The following PIGF variants were observed in gnomAD, a reference collection of about 807,000 sequenced individuals.
PIGF encodes GPI ethanolamine phosphate transferase, stabilizing subunit.
In PIGF, 23 loss-of-function variants were observed where a neutral mutation model predicts 26.0. The ratio of observed to expected loss-of-function variants is 0.88; its 90% CI spans 0.64 to 1.25. PIGF has a LOEUF of 1.25. PIGF is among the 50% of genes most tolerant of loss of function. PIGF has a pLI of 0.00. For missense variants in PIGF, 278 were observed against 249.9 expected, an observed-to-expected ratio of 1.11 and a Z score of -0.76; for synonymous variants, 93 against 92.6, an observed-to-expected ratio of 1.00 and a Z score of -0.03.
At chr2:46,590,715 A>G (rs1165818023) in intron 5 of PIGF, among the ~76,000 whole-genome samples, 1 of 152,206 alleles carries the variant, frequency 6.6e-6, no homozygotes, top group African/African-American at 2.4e-5. Flanking sequence ...ACTCTGTTGA[A>G]TGACATCAAG....
Position 46,615,114 on chromosome 2 carries a change from T to C in PIGF, c.51A>G (p.Ile17Met), listed in dbSNP as rs1411387958. ...KRLLYTHLLC[I>M]FSIILSVFIP... ...TGAAGACACTTAGGATAATTGAAAA[T>C]ATGCATAAAAGATGGGTATACAGTA... Residue 17 changes from isoleucine (I) to methionine (M), a missense_variant, in exon 2 of 6, where the codon ATA becomes ATG. Physicochemically the swap from Ile to Met is conservative, Grantham distance 10. Transcript: ENST00000281382. 2.5e-6 allele frequency: 4 copies of C among 1,586,144 alleles called. No individual in the cohort carries two copies. The African/African-American group carries it at 5.4e-5, about 21-fold the overall frequency.
intron 4 of PIGF, among the ~76,000 whole-genome samples, chr2:46,611,998 T>C (rs1221295076): frequency 2.0e-5 from 3 of 151,790 alleles, no homozygotes; most frequent in African/African-American, 4.8e-5. Context: ...CTAGGTGGAA[T>C]TCTACCATAC....
At chr2:46,613,182 T>C (rs539163560) in intron 3 of PIGF, among the ~76,000 whole-genome samples, 2 of 152,180 alleles carry the variant, frequency 1.3e-5, no homozygotes, top group African/African-American at 2.4e-5. Context: ...ATAAACATTA[T>C]GTAAGAAACA....
intron 4 of PIGF, among the ~76,000 whole-genome samples, chr2:46,593,109 T>G (rs1572771449): frequency 6.6e-6 from 1 of 151,734 alleles, no homozygotes; most frequent in Admixed American, 6.6e-5. Context: ...GTATGGATGG[T>G]GCATCATTTA....
At chr2:46,602,481 A>G (rs1022179063) in intron 4 of PIGF, among the ~76,000 whole-genome samples, 1 of 151,842 alleles carries the variant, frequency 6.6e-6, no homozygotes, top group African/African-American at 2.4e-5. Flanking sequence ...TTGATTCAAC[A>G]CTAATTGAGA....
In PIGF at chr2:46,599,430, T is replaced by C. The variant is rs958277943; in HGVS notation, c.438-6847A>G. Among the ~76,000 whole-genome samples, 10 of 152,326 alleles carry C rather than the reference T, an allele frequency of 6.6e-5. No individual in the cohort carries two copies. The East Asian group carries it at 1.5e-3, about 23-fold the overall frequency. On this transcript the variant is annotated intron_variant, in intron 4 of 5. Transcript: ENST00000281382. ...TTTAGAGGCACTAACTAGTCTTGTTTGCATCCCTTTCATTTCTCCTCTATA... is the reference window on the plus strand; with the variant it reads ...TTTAGAGGCACTAACTAGTCTTGTTCGCATCCCTTTCATTTCTCCTCTATA...
At chr2:46,613,459 C>T (rs1336307256) in intron 3 of PIGF, among the ~76,000 whole-genome samples, 1 of 152,080 alleles carries the variant, frequency 6.6e-6, no homozygotes, top group Non-Finnish European at 1.5e-5. Context: ...TCTCTACTCT[C>T]CCTTCTCTCA....
chr2:46,594,152 T>A (rs1173613709), intron 4 of PIGF, among the ~76,000 whole-genome samples: 1 of 152,218 alleles, frequency 6.6e-6, no homozygotes, highest in Non-Finnish European at 1.5e-5. Context: ...ACTGGCCAAG[T>A]TCAATGTAAA....
chr2:46,596,931 A>G (rs1333179621), intron 4 of PIGF, among the ~76,000 whole-genome samples: 1 of 152,216 alleles, frequency 6.6e-6, no homozygotes, highest in Non-Finnish European at 1.5e-5. Context: ...CTCATAGTAA[A>G]TATAATCTTT....
Position 46,613,919 on chromosome 2 carries a change from C to G in PIGF, c.229-134G>C, listed in dbSNP as rs528692561. ...CAAATGTTCTTGGGTATACTCAAAT[C>G]AGATCACATGTCCTGTACCGTCACA... On this transcript the variant is annotated intron_variant, in intron 2 of 5. Transcript: ENST00000281382. The G allele has an allele frequency of 2.2e-5, 16 of 726,554 alleles. 1 individual carries two copies. The South Asian group carries it at 2.5e-4, about 11-fold the overall frequency. The allele number at this position is 726,554 out of a possible 1,614,324, so 45.0% of individuals were successfully genotyped here. A position where few individuals can be genotyped will look rare whatever the true frequency, so the allele number is the denominator to read the frequency against.
intron 4 of PIGF, among the ~76,000 whole-genome samples, chr2:46,601,458 T>C (rs1670052221): frequency 6.6e-6 from 1 of 152,126 alleles, no homozygotes; most frequent in Admixed American, 6.6e-5. Flanking sequence ...TAAACACTCA[T>C]GGTTTAAATA....
At position 46,589,995 on chromosome 2, in the gene PIGF, A is replaced by G. The variant is rs928407648; in HGVS notation, c.546+2480T>C. Among the ~76,000 whole-genome samples, 1 of 152,030 alleles carries G rather than the reference A, an allele frequency of 6.6e-6. No individual in the cohort carries two copies. Among genetic ancestry groups the G allele is most frequent in the Admixed American group, 6.6e-5 (1 of 15,250 alleles). ...ACATCAATTCTATCATTCCCTCAAC[A>G]ATACATTTCATAATTTAAAAGGTTT... On this transcript the variant is annotated intron_variant, in intron 5 of 5. Coordinates refer to ENST00000281382, the MANE Select transcript of PIGF (RefSeq NM_002643.4). This position sits in a 1 kb window ranked among gnomAD's most constrained non-coding sequence, Gnocchi z 4.7.
intron 4 of PIGF, among the ~76,000 whole-genome samples, chr2:46,598,537 T>G: frequency 7.0e-6 from 1 of 143,214 alleles, no homozygotes. Flanking sequence ...AGATTTTTTT[T>G]TTTTTTTTTT....
intron 4 of PIGF, among the ~76,000 whole-genome samples, chr2:46,611,083 T>C (rs1177355927): frequency 1.3e-5 from 2 of 152,230 alleles, no homozygotes; most frequent in African/African-American, 2.4e-5. Flanking sequence ...TCTTTACTGA[T>C]GCTCTGTCCC....
intron 4 of PIGF, among the ~76,000 whole-genome samples, chr2:46,597,999 C>T (rs966922427): frequency 5.3e-5 from 8 of 152,160 alleles, no homozygotes; most frequent in Non-Finnish European, 1.5e-5. Flanking sequence ...GATCAGATCA[C>T]TTAAGAATTT....
chr2:46,615,409 A>C (rs1670584843), intron 1 of PIGF: 6 of 338,282 alleles, frequency 1.8e-5, no homozygotes, highest in Non-Finnish European at 2.8e-5. Flanking sequence ...GCCTAAAAAG[A>C]ACAAATTTAC....
chr2:46,592,362 T>A (rs769758060), intron 5 of PIGF, 113 bp downstream of exon 5: 17 of 650,452 alleles, frequency 2.6e-5, no homozygotes, highest in Non-Finnish European at 3.4e-5. Flanking sequence ...AGAAGTGGTA[T>A]CCCTACTTAA....
chr2:46,594,408 T>C (rs936956860), intron 4 of PIGF, among the ~76,000 whole-genome samples: 2 of 149,990 alleles, frequency 1.3e-5, no homozygotes, highest in African/African-American at 5.0e-5. Context: ...AAAGAATAGG[T>C]AGCATCAGGT....
Position 46,588,071 on chromosome 2 carries a change from C to A in PIGF, c.546+4404G>T. 6.4e-7 allele frequency: 1 copy of A among 1,563,090 alleles called. No homozygotes were observed. The highest frequency in any genetic ancestry group is 8.7e-7 in the Non-Finnish European group (1 of 1,153,668). On this transcript the variant is annotated intron_variant, in intron 5 of 5. Coordinates refer to ENST00000281382, the MANE Select transcript of PIGF (RefSeq NM_002643.4). This position sits in a 1 kb window ranked among gnomAD's most constrained non-coding sequence, Gnocchi z 4.1. ...CTAGTGTATAAAATGGGAGTAAAAC[C>A]TACCTTGCACTACGGTTGTCAGGAT...
Sources: gnomAD v4.1 joint callset for allele counts (sites outside exome capture counted in the v4.1 genomes callset) on GRCh38, gnomAD v4.1.1 for gene constraint, Gnocchi (gnomAD v3.1) non-coding constraint, MANE v1.5 for transcripts, NCBI Gene and HGNC (gene_info 2026-07-23, HGNC 2026-07-21) for gene names.